Variants in ZNF385D observed in about 807,000 individuals in gnomAD.
ZNF385D encodes zinc finger protein 385D, also known as zinc finger protein 659.
ZNF385D carries 15 observed loss-of-function variants against 35.8 expected under a neutral mutation model. That is an observed-to-expected ratio of 0.42 (90% CI 0.28 to 0.64). ZNF385D has a LOEUF of 0.64. ZNF385D is among the 30% of genes least tolerant of loss of function. The pLI is 0.23. For missense variants in ZNF385D, 474 were observed against 494.6 expected, an observed-to-expected ratio of 0.96 and a Z score of 0.39; for synonymous variants, 212 against 186.8, an observed-to-expected ratio of 1.13 and a Z score of -1.10.
intron 4 of ZNF385D, among the ~76,000 whole-genome samples, chr3:21,498,743 A>T (rs1575055551): frequency 6.6e-6 from 1 of 152,064 alleles, no homozygotes; most frequent in South Asian, 2.1e-4. Flanking sequence ...AGAGATCGAG[A>T]CCATCCTAGC....
intron 4 of ZNF385D, among the ~76,000 whole-genome samples, chr3:21,452,798 A>G (rs1224313632): frequency 6.6e-6 from 1 of 151,980 alleles, no homozygotes; most frequent in African/African-American, 2.4e-5. Context: ...TAGTCCACAT[A>G]TTCAATGGAA....
At chr3:22,224,316 C>T (rs568360968) in intron 2 of ZNF385D, among the ~76,000 whole-genome samples, 55 of 152,268 alleles carry the variant, frequency 3.6e-4, no homozygotes, top group African/African-American at 1.3e-3. Flanking sequence ...AATCAACATG[C>T]TACTTACCAG....
chr3:21,486,989 G>A (rs202223833), intron 4 of ZNF385D, among the ~76,000 whole-genome samples: 8 of 151,982 alleles, frequency 5.3e-5, no homozygotes, highest in Admixed American at 2.0e-4. Flanking sequence ...TGGCAAAACC[G>A]AAAAATAAAT....
At chr3:22,028,239 C>T (rs2086354) in intron 3 of ZNF385D, among the ~76,000 whole-genome samples, 7,212 of 152,224 alleles carry the variant, frequency 0.047, 224 homozygotes, top group Middle Eastern at 0.099. Context: ...CATGTGACCT[C>T]AGCAGAAGAG....
chr3:21,994,867 T>G (rs55908943), intron 3 of ZNF385D, among the ~76,000 whole-genome samples: 2,043 of 152,284 alleles, frequency 0.013, 40 homozygotes, highest in African/African-American at 0.046. Flanking sequence ...GTGGAAGTGG[T>G]GGTAAGGCTT....
chr3:22,252,187 G>A (rs1386192050), intron 2 of ZNF385D, among the ~76,000 whole-genome samples: 2 of 151,964 alleles, frequency 1.3e-5, no homozygotes, highest in East Asian at 3.9e-4. Flanking sequence ...TCAAAGAATT[G>A]ATTTAGCAAG....
chr3:22,359,145 A>T (rs1696296966), intron 2 of ZNF385D, among the ~76,000 whole-genome samples: 1 of 151,860 alleles, frequency 6.6e-6, no homozygotes, highest in South Asian at 2.1e-4. Flanking sequence ...TAACTTAATT[A>T]CTGGGAACAA....
chr3:22,071,326 C>A (rs1700219311), intron 3 of ZNF385D, among the ~76,000 whole-genome samples: 1 of 152,108 alleles, frequency 6.6e-6, no homozygotes, highest in Non-Finnish European at 1.5e-5. Context: ...AGGTATACAG[C>A]AACCTATCTA....
At chr3:21,658,865 T>C (rs1211724000) in intron 2 of ZNF385D, among the ~76,000 whole-genome samples, 1 of 151,998 alleles carries the variant, frequency 6.6e-6, no homozygotes, top group African/African-American at 2.4e-5. Context: ...TCCACCCCAT[T>C]TTCAACAAAT....
At chr3:22,219,121 C>G (rs780141750) in intron 2 of ZNF385D, among the ~76,000 whole-genome samples, 63 of 152,074 alleles carry the variant, frequency 4.1e-4, no homozygotes, top group Admixed American at 1.8e-3. Context: ...TTTCTTAGCT[C>G]TTTTTGGGCT....
At position 21,641,417 on chromosome 3, in the gene ZNF385D, G is replaced by C. The variant is rs536621303; in HGVS notation, c.165+23469C>G. Among the ~76,000 whole-genome samples, 145 of 151,862 alleles carry C rather than the reference G, an allele frequency of 9.5e-4. 2 individuals carry two copies. Among genetic ancestry groups the C allele is most frequent in the Middle Eastern group, 6.8e-3 (2 of 294 alleles). On this transcript the variant is annotated intron_variant, in intron 2 of 7. Coordinates refer to ENST00000281523, the MANE Select transcript of ZNF385D (RefSeq NM_024697.3). ...TGTGGGGGAGTAAACCAATGAGGAA[G>C]AAAAATTATTATTTATTATTATTAT...
chr3:21,980,875 A>G (rs1296808166), intron 3 of ZNF385D, among the ~76,000 whole-genome samples: 1 of 152,108 alleles, frequency 6.6e-6, no homozygotes, highest in African/African-American at 2.4e-5. Context: ...TTCCATCTAT[A>G]TTCCTGCAAA....
chr3:21,874,562 T>A (rs1215266235), intron 3 of ZNF385D, among the ~76,000 whole-genome samples: 8 of 152,114 alleles, frequency 5.3e-5, no homozygotes, highest in Non-Finnish European at 2.9e-5. Context: ...CACTGATCCA[T>A]GTGTCTGTCT....
At chr3:21,532,906 G>T (rs2061957415) in intron 3 of ZNF385D, among the ~76,000 whole-genome samples, 1 of 152,086 alleles carries the variant, frequency 6.6e-6, no homozygotes, top group African/African-American at 2.4e-5. Context: ...CTCATCATCT[G>T]GCACTCCAAA....
chr3:21,797,635 C>T (rs530267333), intron 3 of ZNF385D, among the ~76,000 whole-genome samples: 1 of 152,168 alleles, frequency 6.6e-6, no homozygotes, highest in Non-Finnish European at 1.5e-5. Flanking sequence ...AACTGTGGTA[C>T]ATCCAGGCAA....
At chr3:22,213,087 C>A (rs1697631618) in intron 2 of ZNF385D, among the ~76,000 whole-genome samples, 1 of 151,868 alleles carries the variant, frequency 6.6e-6, no homozygotes, top group African/African-American at 2.4e-5. Flanking sequence ...TTATAAATTT[C>A]CTTTTATATT....
intron 3 of ZNF385D, among the ~76,000 whole-genome samples, chr3:21,844,905 T>C (rs1159208027): frequency 6.6e-6 from 1 of 152,022 alleles, no homozygotes; most frequent in Non-Finnish European, 1.5e-5. Flanking sequence ...TGGTGGACTT[T>C]AGAATTGGTT....
At chr3:22,104,815 T>C (rs746420215) in intron 3 of ZNF385D, among the ~76,000 whole-genome samples, 3 of 152,130 alleles carry the variant, frequency 2.0e-5, no homozygotes, top group Admixed American at 6.6e-5. Flanking sequence ...TGAAAGTCCA[T>C]TGTCTGAAAT....
chr3:21,660,142 A>G (rs1320293), intron 2 of ZNF385D, among the ~76,000 whole-genome samples: 151,224 of 152,106 alleles, frequency 0.99, 75,173 homozygotes, highest in Middle Eastern at 1. Context: ...TCTCTTCCCC[A>G]CCTCCTCTCT....
Sources: gnomAD v4.1 joint callset for allele counts (sites outside exome capture counted in the v4.1 genomes callset) on GRCh38, gnomAD v4.1.1 for gene constraint, MANE v1.5 for transcripts, NCBI Gene and HGNC (gene_info 2026-07-23, HGNC 2026-07-21) for gene names.